HIVEP1: variants seen among roughly 807,000 people sequenced by gnomAD.
HIVEP1 encodes the protein HIVEP zinc finger 1, also known as zinc finger protein 40.
A neutral mutation model predicts 180.0 loss-of-function variants in HIVEP1; 36 were observed. The observed-to-expected ratio is 0.20, with a 90% confidence interval of 0.15 to 0.26. The LOEUF (loss-of-function observed/expected upper bound fraction) is 0.26. Among genes scored for constraint, HIVEP1 ranks in the 10% least tolerant of loss-of-function variants. HIVEP1 has a pLI of 1.00. For synonymous variants in HIVEP1, 1,239 were observed against 1,239.0 expected, an observed-to-expected ratio of 1.00 and a Z score of 0.00; for missense variants, 3,143 against 3,268.7, an observed-to-expected ratio of 0.96 and a Z score of 0.94.
chr6:12,055,386 C>T (rs553601175), intron 2 of HIVEP1, among the ~76,000 whole-genome samples: 1 of 152,228 alleles, frequency 6.6e-6, no homozygotes, highest in Middle Eastern at 3.4e-3. Context: ...GGCAGGAGAA[C>T]CCCTTGAACT....
At chr6:12,126,488 T>G (rs1758077474) in intron 4 of HIVEP1, among the ~76,000 whole-genome samples, 1 of 152,226 alleles carries the variant, frequency 6.6e-6, no homozygotes, top group African/African-American at 2.4e-5. Flanking sequence ...GTCATGAAAC[T>G]GTAACTTGGG....
In HIVEP1 at chr6:12,047,237, T is replaced by C. The variant is rs570495685; in HGVS notation, c.40+31569T>C. Among the ~76,000 whole-genome samples, 5 of 152,380 alleles carry C rather than the reference T, an allele frequency of 3.3e-5. No individual in the cohort carries two copies. The South Asian group carries it at 1.0e-3, about 32-fold the overall frequency. Reference sequence around the variant, plus strand: ...GTACATTAAATAAGTGACATAATTCTAAATGCCTACAAATATGTGTAAGTC... The same window carrying C: ...GTACATTAAATAAGTGACATAATTCCAAATGCCTACAAATATGTGTAAGTC... On this transcript the variant is annotated intron_variant, in intron 2 of 8. Transcript: ENST00000379388.
chr6:12,046,796 T>A (rs1345426686), intron 2 of HIVEP1, among the ~76,000 whole-genome samples: 2 of 150,738 alleles, frequency 1.3e-5, no homozygotes, highest in African/African-American at 2.4e-5. Flanking sequence ...AAAAAAGAAT[T>A]CTGGGTGGCC....
rs552009236 is a variant in HIVEP1, at chr6:12,042,095, C to T, written c.40+26427C>T. On this transcript the variant is annotated intron_variant, in intron 2 of 8. Coordinates refer to ENST00000379388, the MANE Select transcript of HIVEP1 (RefSeq NM_002114.4). ...CGCTTTTTTTTTTTTTTTTTTGAGA[C>T]GGAGTCTCGCTCTGTCGCCAAGGCG... Among the ~76,000 whole-genome samples the T allele has an allele frequency of 5.6e-3, 723 of 128,498 alleles. 15 individuals carry two copies. The highest frequency in any genetic ancestry group is 0.019 in the African/African-American group (645 of 33,534). The allele number at this position is 128,498 out of a possible 152,430, so 84.3% of individuals were successfully genotyped here. A position where few individuals can be genotyped will look rare whatever the true frequency, so the allele number is the denominator to read the frequency against.
chr6:12,159,707 T>C (rs1760284452), intron 7 of HIVEP1, among the ~76,000 whole-genome samples: 1 of 152,196 alleles, frequency 6.6e-6, no homozygotes, highest in Admixed American at 6.5e-5. Context: ...CAGTCAATAC[T>C]TTGGTATTAT....
intron 2 of HIVEP1, among the ~76,000 whole-genome samples, chr6:12,035,594 A>G (rs1213909609): frequency 1.3e-5 from 2 of 152,156 alleles, no homozygotes; most frequent in African/African-American, 4.8e-5. Flanking sequence ...AGTGAATCTT[A>G]TTTTTTAACA....
At chr6:12,024,501 G>A (rs1453945184) in intron 2 of HIVEP1, among the ~76,000 whole-genome samples, 1 of 152,150 alleles carries the variant, frequency 6.6e-6, no homozygotes, top group Non-Finnish European at 1.5e-5. Flanking sequence ...TGGTCCTTAT[G>A]TGTTTCTGTC....
At chr6:12,168,105 ATATG>A (rs1436610103), downstream of HIVEP1, among the ~76,000 whole-genome samples, 93 of 29,864 alleles carry the variant, frequency 3.1e-3, 33 homozygotes, top group African/African-American at 7.0e-3. Context: ...ATACACGTAT[ATATG>A]TATATTATAT....
chr6:12,055,355 C>A (rs1379788310), intron 2 of HIVEP1, among the ~76,000 whole-genome samples: 5 of 152,114 alleles, frequency 3.3e-5, no homozygotes, highest in Non-Finnish European at 5.9e-5. Flanking sequence ...TGCCTGTAAT[C>A]CCAGCTACTC....
chr6:12,114,612 G>GA (rs375840756), intron 3 of HIVEP1, among the ~76,000 whole-genome samples: 1,622 of 150,570 alleles, frequency 0.011, 29 homozygotes, highest in African/African-American at 0.036. Context: ...TCTCTAGAGG[G>GA]AAAAAAAAAG....
intron 7 of HIVEP1, among the ~76,000 whole-genome samples, chr6:12,136,487 T>C (rs1758711108): frequency 6.6e-6 from 1 of 152,174 alleles, no homozygotes. Flanking sequence ...TCTGGACTCC[T>C]CTAGTATTTT....
At chr6:12,195,843 A>G in the HIVEP1 span, among the ~76,000 whole-genome samples, 1 of 152,244 alleles carries the variant, frequency 6.6e-6, no homozygotes, top group Non-Finnish European at 1.5e-5. Context: ...CTTTACCTGT[A>G]TCTGAATATA....
At chr6:12,196,483 C>G in the HIVEP1 span, among the ~76,000 whole-genome samples, 1 of 152,196 alleles carries the variant, frequency 6.6e-6, no homozygotes, top group East Asian at 1.9e-4. Flanking sequence ...TTCAAGTTCT[C>G]CTCTGTAGCC....
intron 3 of HIVEP1, among the ~76,000 whole-genome samples, chr6:12,099,212 C>T (rs1246131101): frequency 1.4e-5 from 2 of 143,342 alleles, no homozygotes; most frequent in Non-Finnish European, 3.0e-5. Flanking sequence ...GACGGAGTCT[C>T]GCTCTGTCGC....
At chr6:12,111,488 G>A (rs1043770263) in intron 3 of HIVEP1, among the ~76,000 whole-genome samples, 5 of 152,234 alleles carry the variant, frequency 3.3e-5, no homozygotes, top group African/African-American at 1.2e-4. Flanking sequence ...GGAGGCTCCA[G>A]GGGAAATTCT....
chr6:12,124,063 AAAG>A lies in HIVEP1; in HGVS notation c.4272_4274del (p.Arg1426del). On this transcript the variant is annotated inframe_deletion, in exon 4 of 9. Coordinates refer to ENST00000379388, the MANE Select transcript of HIVEP1 (RefSeq NM_002114.4). ...GTGACTGGGCATGTGCCTCTCTTAG[AAAG>A]AAGGAGAGGCCCACTGGTACGGCAA... 6.2e-7 allele frequency: 1 copy of A among 1,613,926 alleles called. No individual in the cohort carries two copies. Among genetic ancestry groups the A allele is most frequent in the African/African-American group, 1.3e-5 (1 of 75,024 alleles).
chr6:12,189,460 A>T, the HIVEP1 span, among the ~76,000 whole-genome samples: 14 of 152,154 alleles, frequency 9.2e-5, no homozygotes, highest in Non-Finnish European at 2.1e-4. Context: ...AATTCAAAGG[A>T]AAAATGAACA....
chr6:12,062,586 A>G (rs1771310504), intron 2 of HIVEP1, among the ~76,000 whole-genome samples: 1 of 152,180 alleles, frequency 6.6e-6, no homozygotes, highest in Non-Finnish European at 1.5e-5. Context: ...TTTGTTAGAC[A>G]ATAAGAAGTA....
chr6:12,136,952 A>G (rs540283016), intron 7 of HIVEP1, among the ~76,000 whole-genome samples: 2 of 152,356 alleles, frequency 1.3e-5, no homozygotes, highest in African/African-American at 4.8e-5. Flanking sequence ...CGTGCTTGCT[A>G]TATTTTTCTT....
Sources: allele counts gnomAD v4.1 joint callset (sites outside exome capture counted in the v4.1 genomes callset), GRCh38; gene constraint gnomAD v4.1.1; transcripts MANE v1.5; gene names NCBI Gene and HGNC (gene_info 2026-07-23, HGNC 2026-07-21).